Variants in GAS7 observed in about 807,000 individuals in gnomAD.
GAS7 encodes growth arrest-specific protein 7.
Under a neutral mutation model 71.1 loss-of-function variants are expected in GAS7, and 28 were observed. The ratio of observed to expected loss-of-function variants is 0.39; its 90% confidence interval spans 0.29 to 0.54. The LOEUF (loss-of-function observed/expected upper bound fraction) is 0.54. GAS7 is among the 20% of genes least tolerant of loss of function. The pLI is 0.62. For synonymous variants in GAS7, 258 were observed against 245.8 expected, an observed-to-expected ratio of 1.05 and a Z score of -0.46; for missense variants, 436 against 627.8, an observed-to-expected ratio of 0.69 and a Z score of 3.27.
intron 1 of GAS7, among the ~76,000 whole-genome samples, chr17:10,191,234 G>C (rs954391365): frequency 2.0e-5 from 3 of 151,632 alleles, no homozygotes; most frequent in Non-Finnish European, 4.4e-5. Flanking sequence ...GGCCATCCTG[G>C]GCCACATGTT....
At position 9,958,830 on chromosome 17, in the gene GAS7, C is replaced by T. The variant is rs565661372; in HGVS notation, c.525+372G>A. On this transcript the variant is annotated intron_variant, in intron 5 of 13. Coordinates refer to ENST00000432992, the MANE Select transcript of GAS7 (RefSeq NM_201433.2). The stretch of plus-strand genomic sequence containing the variant: ...CTTTGACATCTTCCAGAAGTTACCC[C>T]GCACAAAAGCAACCCTGCCGTGGCT... The T allele has an allele frequency of 9.6e-5, 27 of 279,874 alleles. 1 individual carries two copies. The South Asian group carries it at 2.3e-3, about 24-fold the overall frequency. The allele number at this position is 279,874 out of a possible 1,614,324, so 17.3% of individuals were successfully genotyped here.
intron 11 of GAS7, among the ~76,000 whole-genome samples, chr17:9,925,239 C>T (rs576441261): frequency 6.6e-6 from 1 of 152,276 alleles, no homozygotes; most frequent in Admixed American, 6.5e-5. Context: ...CTACCATGCC[C>T]CAGAACTAGC....
intron 2 of GAS7, among the ~76,000 whole-genome samples, chr17:10,006,316 C>CTTTTTTTTTTTT (rs1168698479): frequency 3.0e-5 from 2 of 65,610 alleles, no homozygotes; most frequent in Non-Finnish European, 6.0e-5. Flanking sequence ...GCCCCAGATT[C>CTTTTTTTTTTTT]TTTTTTTTTT....
intron 4 of GAS7, among the ~76,000 whole-genome samples, chr17:9,968,228 G>A (rs575820873): frequency 3.4e-4 from 51 of 152,142 alleles, no homozygotes; most frequent in Non-Finnish European, 6.8e-4. Context: ...ACAAAGCCAC[G>A]GTTGATTCAT....
chr17:10,101,930 T>C (rs571462317), intron 1 of GAS7, among the ~76,000 whole-genome samples: 1 of 152,052 alleles, frequency 6.6e-6, no homozygotes, highest in Non-Finnish European at 1.5e-5. Context: ...CTGTCTTCTA[T>C]GAAATTTTCT....
In GAS7 at chr17:10,190,590, A is replaced by T. The variant is rs555830719; in HGVS notation, c.183+7618T>A. On this transcript the variant is annotated intron_variant, in intron 1 of 13. Transcript: ENST00000432992. Reference sequence around the variant, plus strand: ...GCAAGACTCCGTCTCAAAAAAAAAAAAAAGAAAAAAAGAAATGCTTCTAAG... The same window carrying T: ...GCAAGACTCCGTCTCAAAAAAAAAATAAAGAAAAAAAGAAATGCTTCTAAG... Among the ~76,000 whole-genome samples the T allele has an allele frequency of 1.9e-4, 29 of 152,036 alleles. 1 individual carries two copies. In the East Asian group the frequency reaches 3.9e-3, roughly 20 times the overall value.
intron 2 of GAS7, among the ~76,000 whole-genome samples, chr17:9,983,468 G>T (rs1466743910): frequency 6.6e-6 from 1 of 152,138 alleles, no homozygotes; most frequent in African/African-American, 2.4e-5. Flanking sequence ...TCCAGCCTGG[G>T]TGACAGAGCA....
chr17:10,012,531 G>T (rs2071815962), intron 2 of GAS7, among the ~76,000 whole-genome samples: 1 of 152,040 alleles, frequency 6.6e-6, no homozygotes, highest in Admixed American at 6.6e-5. Context: ...CAAGTGATCT[G>T]CCCACCTCGG....
At chr17:10,134,449 G>C (rs1373469967) in intron 1 of GAS7, among the ~76,000 whole-genome samples, 1 of 152,140 alleles carries the variant, frequency 6.6e-6, no homozygotes, top group Non-Finnish European at 1.5e-5. Flanking sequence ...ACCCAGTAGT[G>C]GGATCCCTGG....
chr17:9,974,721 A>G lies in GAS7; in HGVS notation c.386-4959T>C, dbSNP rs1398891530. The stretch of plus-strand genomic sequence containing the variant: ...GAGAGGAGGGGACAGATATTTGGGT[A>G]GAAAAGAGGAGGGAGGTCTGGGTAG... On this transcript the variant is annotated intron_variant, in intron 3 of 13. Coordinates refer to ENST00000432992, the MANE Select transcript of GAS7 (RefSeq NM_201433.2). The surrounding 1 kb of genome is among the most constrained non-coding windows in gnomAD (Gnocchi z 4.0). Among the ~76,000 whole-genome samples the G allele has an allele frequency of 6.6e-6, 1 of 152,160 alleles. No individual in the cohort carries two copies. The highest frequency in any genetic ancestry group is 1.5e-5 in the Non-Finnish European group (1 of 68,016).
intron 1 of GAS7, among the ~76,000 whole-genome samples, chr17:10,138,027 A>G (rs1455884590): frequency 6.6e-6 from 1 of 151,824 alleles, no homozygotes; most frequent in Non-Finnish European, 1.5e-5. Flanking sequence ...CAGTGGCACA[A>G]TCTTGGCTCA....
chr17:10,087,960 G>C (rs1276836301), intron 1 of GAS7, among the ~76,000 whole-genome samples: 2 of 152,126 alleles, frequency 1.3e-5, no homozygotes, highest in Non-Finnish European at 2.9e-5. Context: ...GCACTAGGGT[G>C]CTACACAATT....
At chr17:10,129,620 C>T (rs777487207) in intron 1 of GAS7, among the ~76,000 whole-genome samples, 6 of 152,104 alleles carry the variant, frequency 3.9e-5, no homozygotes, top group Non-Finnish European at 8.8e-5. Context: ...AGATATGACA[C>T]CAAAAGCACA....
Position 9,933,267 on chromosome 17 carries a change from T to C in GAS7, c.885+899A>G, listed in dbSNP as rs182098361. On this transcript the variant is annotated intron_variant, in intron 9 of 13. Transcript: ENST00000432992. ...TCTGAAATTTTGCAACAACCACAAATTTAAAAAAAATTCTCCCTTTGGCAT... is the reference window on the plus strand; with the variant it reads ...TCTGAAATTTTGCAACAACCACAAACTTAAAAAAAATTCTCCCTTTGGCAT... Among the ~76,000 whole-genome samples the C allele has an allele frequency of 5.3e-5, 8 of 152,122 alleles. No homozygotes were observed. In the East Asian group the frequency reaches 1.5e-3, roughly 29 times the overall value.
intron 1 of GAS7, among the ~76,000 whole-genome samples, chr17:10,076,930 CTAA>C (rs1174254453): frequency 6.6e-6 from 1 of 152,180 alleles, no homozygotes; most frequent in Non-Finnish European, 1.5e-5. Context: ...TACCCCACCT[CTAA>C]TACAACTTCT....
intron 2 of GAS7, among the ~76,000 whole-genome samples, chr17:10,004,370 A>G (rs2071385935): frequency 6.6e-6 from 1 of 152,188 alleles, no homozygotes; most frequent in Non-Finnish European, 1.5e-5. Flanking sequence ...TTCAATGCAT[A>G]CTAGGAGTTT....
intron 1 of GAS7, among the ~76,000 whole-genome samples, chr17:10,095,439 G>C (rs2073630705): frequency 6.6e-6 from 1 of 152,124 alleles, no homozygotes; most frequent in Non-Finnish European, 1.5e-5. Flanking sequence ...TGAGATTACA[G>C]GCGTGAGTCA....
rs771566911 is a variant in GAS7 at position 9,959,312 on chromosome 17, C to T, written c.472-57G>A. On this transcript the variant is annotated intron_variant, in intron 4 of 13. Transcript: ENST00000432992. The surrounding 1 kb of genome is among the most constrained non-coding windows in gnomAD (Gnocchi z 5.0). ...CTGTTCTCCATATTGGACATTTTTTCCCCCCATTCAGGTTCCCTGAGGGTG... is the reference window on the plus strand; with the variant it reads ...CTGTTCTCCATATTGGACATTTTTTTCCCCCATTCAGGTTCCCTGAGGGTG... The T allele has an allele frequency of 2.5e-6, 4 of 1,611,754 alleles. No homozygotes were observed. The highest frequency in any genetic ancestry group is 2.7e-5 in the African/African-American group (2 of 75,000).
At chr17:10,070,449 C>T (rs1294834416) in intron 1 of GAS7, among the ~76,000 whole-genome samples, 4 of 150,666 alleles carry the variant, frequency 2.7e-5, no homozygotes, top group Admixed American at 1.3e-4. Context: ...CTACAACCTG[C>T]GCCTCCCAGG....
Sources: allele counts gnomAD v4.1 joint callset (sites outside exome capture counted in the v4.1 genomes callset), GRCh38; gene constraint gnomAD v4.1.1; non-coding constraint Gnocchi (gnomAD v3.1); transcripts MANE v1.5; gene names NCBI Gene and HGNC (gene_info 2026-07-23, HGNC 2026-07-21).